TMEM68: variants seen among roughly 807,000 people sequenced by gnomAD.
The protein encoded by TMEM68 is DGAT1/2-independent enzyme synthesizing storage lipids.
Under a neutral mutation model 36.9 loss-of-function variants are expected in TMEM68, and 25 were observed. The observed-to-expected ratio is 0.68, with a 90% CI of 0.49 to 0.95. The LOEUF is 0.95. TMEM68 is among the 40% of genes least tolerant of loss of function. The pLI is 0.00. For synonymous variants in TMEM68, 131 were observed against 124.4 expected (o/e 1.05, Z -0.35); for missense variants, 333 against 392.0 (o/e 0.85, Z 1.27).
At chr8:55,762,522 AT>A (rs769786879) in intron 3 of TMEM68, 112 bp downstream of exon 3, 3 of 1,539,602 alleles carry the variant, frequency 1.9e-6, no homozygotes, top group East Asian at 4.6e-5. Flanking sequence ...AATAGTAAAT[AT>A]CACTTCTATT....
At chr8:55,754,968 CACACACACAT>C (rs1285350998) in intron 4 of TMEM68, among the ~76,000 whole-genome samples, 5 of 82,572 alleles carry the variant, frequency 6.1e-5, no homozygotes, top group Admixed American at 1.6e-4. Context: ...CACACACACA[CACACACACAT>C]AGCCTTTATA....
chr8:55,749,178 T>C (rs76391597), intron 5 of TMEM68, among the ~76,000 whole-genome samples: 1,954 of 152,336 alleles, frequency 0.013, 38 homozygotes, highest in African/African-American at 0.045. Flanking sequence ...CATGAAGTTA[T>C]CTAAAAGTTC....
intron 7 of TMEM68, among the ~76,000 whole-genome samples, chr8:55,740,814 C>T (rs1354149010): frequency 1.3e-5 from 2 of 152,150 alleles, no homozygotes; most frequent in Non-Finnish European, 2.9e-5. Flanking sequence ...CTGCCTTGGC[C>T]TCCCAAAGTG....
rs1416196718 is a variant in TMEM68, at chr8:55,766,090, TAAG to T, written c.-114-2113_-114-2111del. Among the ~76,000 whole-genome samples, 3 of 152,186 alleles carry T rather than the reference TAAG, an allele frequency of 2.0e-5. No homozygotes were observed. The East Asian group carries it at 5.8e-4, about 29-fold the overall frequency. On this transcript the variant is annotated intron_variant, in intron 1 of 7. Coordinates refer to ENST00000434581, the MANE Select transcript of TMEM68 (RefSeq NM_001286657.2). Reference sequence around the variant, plus strand: ...CTAGGGAGAAAGATAAACAGCAGTGTAAGAAGAATATGGAGTTCTATGTCAGGC... The same window carrying T: ...CTAGGGAGAAAGATAAACAGCAGTGTAAGAATATGGAGTTCTATGTCAGGC...
intron 3 of TMEM68, chr8:55,761,873 T>C (rs1197816482): frequency 2.6e-5 from 4 of 152,200 alleles, no homozygotes; most frequent in Non-Finnish European, 5.9e-5. Flanking sequence ...CTCAACAACA[T>C]AATACAGAAA....
At chr8:55,753,877 A>C (rs1324429335) in intron 4 of TMEM68, among the ~76,000 whole-genome samples, 1 of 152,304 alleles carries the variant, frequency 6.6e-6, no homozygotes, top group East Asian at 1.9e-4. Context: ...GGATCACCTG[A>C]GGTCAGGAGT....
chr8:55,754,670 AT>A (rs1175098016), intron 4 of TMEM68, among the ~76,000 whole-genome samples: 8 of 106,210 alleles, frequency 7.5e-5, no homozygotes, highest in South Asian at 5.9e-4. Context: ...TAAAATACAT[AT>A]ATTATGTAAT....
chr8:55,744,787 A>T (rs1226936757), intron 6 of TMEM68, among the ~76,000 whole-genome samples: 1 of 152,222 alleles, frequency 6.6e-6, no homozygotes, highest in Non-Finnish European at 1.5e-5. Context: ...CCTTGTCACC[A>T]TGGTTTAAAA....
At chr8:55,762,554 A>T in intron 3 of TMEM68, 81 bp downstream of exon 3, 1 of 1,589,986 alleles carries the variant, frequency 6.3e-7, no homozygotes, top group Non-Finnish European at 8.5e-7. Context: ...GTATCTTCTC[A>T]ATCAATAAAA....
intron 4 of TMEM68, among the ~76,000 whole-genome samples, chr8:55,754,624 A>G (rs1280048676): frequency 1.5e-5 from 2 of 133,246 alleles, no homozygotes; most frequent in African/African-American, 5.8e-5. Context: ...TATATATAAA[A>G]TACATACATT....
chr8:55,748,573 G>A (rs1200112870), intron 5 of TMEM68, among the ~76,000 whole-genome samples: 3 of 151,442 alleles, frequency 2.0e-5, no homozygotes, highest in African/African-American at 7.3e-5. Context: ...AGGGGAGGGA[G>A]GAAGGGGGGG....
intron 4 of TMEM68, among the ~76,000 whole-genome samples, chr8:55,752,443 C>T (rs971689277): frequency 6.6e-6 from 1 of 151,666 alleles, no homozygotes; most frequent in Admixed American, 6.6e-5. Flanking sequence ...AAAAATTAGC[C>T]GGGCATGGTG....
At chr8:55,770,100 T>C (rs1811106110) in intron 1 of TMEM68, among the ~76,000 whole-genome samples, 1 of 152,182 alleles carries the variant, frequency 6.6e-6, no homozygotes, top group Non-Finnish European at 1.5e-5. Context: ...CCCTTAATTG[T>C]GCAGATAACA....
At chr8:55,749,101 CTTTTA>C (rs894762644) in intron 5 of TMEM68, among the ~76,000 whole-genome samples, 3 of 152,072 alleles carry the variant, frequency 2.0e-5, no homozygotes, top group African/African-American at 4.8e-5. Flanking sequence ...AAAATATTTT[CTTTTA>C]TATCTGCTAT....
chr8:55,772,461 A>G (rs753016918), intron 1 of TMEM68, among the ~76,000 whole-genome samples: 3 of 152,090 alleles, frequency 2.0e-5, no homozygotes, highest in Non-Finnish European at 4.4e-5. Context: ...TGCTGTTTCC[A>G]TTTTCTCCAT....
chr8:55,763,170 A>G (rs1810855177), intron 2 of TMEM68, 142 bp from the exon 3 acceptor site: 1 of 451,196 alleles, frequency 2.2e-6, no homozygotes, highest in Non-Finnish European at 3.8e-6. Context: ...GCAGATTTAA[A>G]TGTGAAAATT....
chr8:55,765,007 G>A (rs939869747), intron 1 of TMEM68, among the ~76,000 whole-genome samples: 4 of 152,152 alleles, frequency 2.6e-5, no homozygotes, highest in African/African-American at 9.7e-5. Flanking sequence ...GGGAGGCGGA[G>A]GTTGCAGCGA....
intron 7 of TMEM68, among the ~76,000 whole-genome samples, chr8:55,741,538 C>A (rs1810102542): frequency 6.6e-6 from 1 of 152,154 alleles, no homozygotes. Context: ...AATGTGAGAT[C>A]ATTGGTGATG....
intron 1 of TMEM68, among the ~76,000 whole-genome samples, chr8:55,772,681 A>G (rs1192150376): frequency 6.6e-6 from 1 of 152,222 alleles, no homozygotes; most frequent in Non-Finnish European, 1.5e-5. Flanking sequence ...AGTAGTTACT[A>G]TTAATCAACC....
Sources: gnomAD v4.1 joint callset for allele counts (sites outside exome capture counted in the v4.1 genomes callset) on GRCh38, gnomAD v4.1.1 for gene constraint, MANE v1.5 for transcripts, NCBI Gene and HGNC (gene_info 2026-07-23, HGNC 2026-07-21) for gene names.